LYZL1: variants seen among roughly 807,000 people sequenced by gnomAD.
The protein encoded by LYZL1 is lysozyme-like protein 1.
Under a neutral mutation model 17.9 loss-of-function variants are expected in LYZL1, and 16 were observed. That is an observed-to-expected ratio of 0.90 (90% CI 0.61 to 1.36). The LOEUF (loss-of-function observed/expected upper bound fraction) is 1.36, where lower values mean the gene tolerates loss of function less well. Ranked by LOEUF, LYZL1 falls within the 40% of genes most tolerant of loss-of-function variation. LYZL1 has a pLI of 0.00. For missense variants in LYZL1, 149 were observed against 188.4 expected (o/e 0.79, Z 1.22); for synonymous variants, 58 against 71.8 (o/e 0.81, Z 0.97).
At chr10:29,316,890 A>C (rs1249285370) in intron 3 of LYZL1, among the ~76,000 whole-genome samples, 1 of 151,438 alleles carries the variant, frequency 6.6e-6, no homozygotes, top group South Asian at 2.1e-4. Flanking sequence ...CTAACTTTTT[A>C]ATTTTTTTGT....
At chr10:29,312,747 G>T (rs955274028), downstream of LYZL1, among the ~76,000 whole-genome samples, 1 of 152,118 alleles carries the variant, frequency 6.6e-6, no homozygotes, top group Admixed American at 6.5e-5. Flanking sequence ...GTGGTTCTGT[G>T]GCACCTGCTG....
At position 29,289,126 on chromosome 10, in the gene LYZL1, C is replaced by T. The variant is rs777249921; in HGVS notation, c.-130C>T. The T allele has an allele frequency of 2.3e-5, 36 of 1,594,398 alleles. No homozygotes were observed. Among genetic ancestry groups the T allele is most frequent in the South Asian group, 4.5e-5 (4 of 88,702 alleles). Reference sequence around the variant, plus strand: ...AGACATGGCTTCAGGGGATGCAGGACGCTCCCCTGAGCTGCCTGTCACCGA... The same window carrying T: ...AGACATGGCTTCAGGGGATGCAGGATGCTCCCCTGAGCTGCCTGTCACCGA... On this transcript the variant is annotated 5_prime_UTR_variant, in exon 1 of 5. In the 5' UTR this introduces an upstream ATG that the reference lacks. Transcript: ENST00000649382.
rs775280063 is a variant in LYZL1 at position 29,292,544 on chromosome 10, C to T, written c.165C>T (p.Ser55=). ...GGATCTGCATGGCATATTATGAGAG[C>T]GGCTACAACACCACAGCCCAGACGG... ...GNWICMAYYE[S]GYNTTAQTVL... Residue 55 remains serine (S), a synonymous_variant, in exon 3 of 5, where the codon AGC becomes AGT. Coordinates refer to ENST00000649382, the MANE Select transcript of LYZL1 (RefSeq NM_032517.6). 18 of 1,613,982 alleles carry T rather than the reference C, an allele frequency of 1.1e-5. No homozygotes were observed. The highest frequency in any genetic ancestry group is 6.7e-5 in the East Asian group (3 of 44,886).
At chr10:29,297,111 G>C (rs1835456730) in intron 3 of LYZL1, among the ~76,000 whole-genome samples, 1 of 147,010 alleles carries the variant, frequency 6.8e-6, no homozygotes, top group Non-Finnish European at 1.5e-5. Flanking sequence ...AGAGAAAAAG[G>C]AAACATTCAG....
rs778479487 is a variant in LYZL1, at chr10:29,289,222, G to T, written c.-34G>T. ...CCTCTGGGGCAGGCACCAGGAATCT[G>T]CCTTTTCAGTAAGACCTAAATTACT... On this transcript the variant is annotated 5_prime_UTR_variant, in exon 1 of 5. Coordinates refer to ENST00000649382, the MANE Select transcript of LYZL1 (RefSeq NM_032517.6). 5 of 1,532,002 alleles carry T rather than the reference G, an allele frequency of 3.3e-6. No individual in the cohort carries two copies. The highest frequency in any genetic ancestry group is 4.4e-6 in the Non-Finnish European group (5 of 1,141,982). The allele number at this position is 1,532,002 out of a possible 1,614,324, so 94.9% of individuals were successfully genotyped here.
intron 3 of LYZL1, among the ~76,000 whole-genome samples, chr10:29,302,427 C>G (rs1014609110): frequency 3.3e-5 from 5 of 152,194 alleles, no homozygotes; most frequent in Non-Finnish European, 5.9e-5. Flanking sequence ...ACGAGGGATG[C>G]TCCCTTTAAT....
chr10:29,290,437 T>C (rs71492581), intron 1 of LYZL1, among the ~76,000 whole-genome samples: 147,746 of 152,220 alleles, frequency 0.97, 71,795 homozygotes, highest in East Asian at 1. Flanking sequence ...CATGAGGCTT[T>C]GTCCTCCATC....
intron 3 of LYZL1, among the ~76,000 whole-genome samples, chr10:29,308,914 A>C (rs1266181655): frequency 3.9e-5 from 6 of 152,238 alleles, no homozygotes; most frequent in Non-Finnish European, 7.3e-5. Context: ...GCAGTGAGCT[A>C]TAATCATGCC....
At chr10:29,314,367 T>C (rs79393903), downstream of LYZL1, among the ~76,000 whole-genome samples, 12,773 of 152,216 alleles carry the variant, frequency 0.084, 624 homozygotes, top group South Asian at 0.13. Context: ...CAAAAATATT[T>C]GATGTTGGCC....
At chr10:29,303,275 T>C (rs569506069) in intron 3 of LYZL1, among the ~76,000 whole-genome samples, 1 of 152,230 alleles carries the variant, frequency 6.6e-6, no homozygotes, top group South Asian at 2.1e-4. Flanking sequence ...TGTCTCCTCC[T>C]CTTAGATGGC....
intron 3 of LYZL1, among the ~76,000 whole-genome samples, chr10:29,298,717 G>T (rs1835478075): frequency 6.6e-6 from 1 of 152,172 alleles, no homozygotes; most frequent in South Asian, 2.1e-4. Flanking sequence ...TGTGAAGGAT[G>T]ATCCCAGGAT....
chr10:29,300,689 G>T (rs1835505772), intron 3 of LYZL1, among the ~76,000 whole-genome samples: 1 of 151,968 alleles, frequency 6.6e-6, no homozygotes, highest in African/African-American at 2.4e-5. Flanking sequence ...TTTGGTTTCG[G>T]TTTTTTTAGA....
chr10:29,306,001 G>A (rs1392831902), intron 3 of LYZL1, among the ~76,000 whole-genome samples: 9 of 152,014 alleles, frequency 5.9e-5, no homozygotes, highest in African/African-American at 2.2e-4. Context: ...TTTTTTTCTG[G>A]TATCAAAAAT....
chr10:29,311,551 C>T (rs1027161106), downstream of LYZL1, among the ~76,000 whole-genome samples: 26 of 152,266 alleles, frequency 1.7e-4, 1 homozygote, highest in Middle Eastern at 3.4e-3. Flanking sequence ...TCTACACGCA[C>T]GCAAGAGACG....
intron 1 of LYZL1, among the ~76,000 whole-genome samples, chr10:29,289,469 A>G (rs1273897140): frequency 1.5e-5 from 2 of 135,530 alleles, no homozygotes; most frequent in Admixed American, 7.8e-5. Context: ...CCCAGGCTGG[A>G]GTGCAGTGTC....
At chr10:29,310,639 G>A (rs1365232243) in intron 4 of LYZL1, among the ~76,000 whole-genome samples, 4 of 152,312 alleles carry the variant, frequency 2.6e-5, no homozygotes, top group South Asian at 2.1e-4. Context: ...AGCAGAAAGC[G>A]TCCCCAGCAT....
chr10:29,306,325 C>A (rs1241222919), intron 3 of LYZL1, among the ~76,000 whole-genome samples: 1 of 149,972 alleles, frequency 6.7e-6, no homozygotes, highest in Admixed American at 6.6e-5. Context: ...CCGAGGCGGG[C>A]GGATCACGAG....
chr10:29,289,258 C>G (rs1835328040), intron 1 of LYZL1, 28 bp downstream of exon 1: 2 of 1,123,674 alleles, frequency 1.8e-6, no homozygotes, highest in Non-Finnish European at 2.5e-6. Context: ...CTTATGAGAA[C>G]CAGCAATGGC....
intron 3 of LYZL1, among the ~76,000 whole-genome samples, chr10:29,305,558 A>G (rs910882459): frequency 5.3e-5 from 8 of 152,236 alleles, no homozygotes; most frequent in African/African-American, 1.7e-4. Context: ...TAAGATTTCT[A>G]TAAAACATAA....
Sources: gnomAD v4.1 joint callset for allele counts (sites outside exome capture counted in the v4.1 genomes callset) on GRCh38, gnomAD v4.1.1 for gene constraint, MANE v1.5 for transcripts, NCBI Gene and HGNC (gene_info 2026-07-23, HGNC 2026-07-21) for gene names.